Variants in ROBO1 observed in about 807,000 individuals in gnomAD.
The protein encoded by ROBO1 is roundabout guidance receptor 1, also known as roundabout homolog 1.
ROBO1 carries 149 observed loss-of-function variants against 195.9 expected under a neutral mutation model. The observed-to-expected ratio is 0.76, with a 90% CI of 0.67 to 0.87. The LOEUF is 0.87. Ranked by LOEUF, ROBO1 falls within the 40% of genes least tolerant of loss-of-function variation. The pLI is 0.00. For missense variants in ROBO1, 1,933 were observed against 2,068.3 expected, an observed-to-expected ratio of 0.93 and a Z score of 1.27; for synonymous variants, 816 against 733.2, an observed-to-expected ratio of 1.11 and a Z score of -1.82.
intron 4 of ROBO1, among the ~76,000 whole-genome samples, chr3:78,892,247 G>T (rs1013014866): frequency 6.6e-6 from 1 of 152,140 alleles, no homozygotes; most frequent in Non-Finnish European, 1.5e-5. Flanking sequence ...AAACCCTATT[G>T]TGAAGTGCAC....
At chr3:79,754,932 G>C (rs1042620464) in intron 1 of ROBO1, among the ~76,000 whole-genome samples, 1 of 152,172 alleles carries the variant, frequency 6.6e-6, no homozygotes, top group Non-Finnish European at 1.5e-5. Flanking sequence ...GCAGGCTGGA[G>C]TGCAATGGTG....
intron 2 of ROBO1, among the ~76,000 whole-genome samples, chr3:79,536,908 A>G (rs181675301): frequency 2.0e-5 from 3 of 152,252 alleles, no homozygotes; most frequent in East Asian, 1.9e-4. Flanking sequence ...AAAGAAGACT[A>G]TTTCTAATTT....
chr3:78,648,620 G>C (rs960544187), intron 19 of ROBO1, among the ~76,000 whole-genome samples: 1 of 151,566 alleles, frequency 6.6e-6, no homozygotes, highest in African/African-American at 2.4e-5. Context: ...ATTTCATAGA[G>C]GGAGGAGATT....
intron 2 of ROBO1, among the ~76,000 whole-genome samples, chr3:79,221,129 C>A (rs1339002993): frequency 6.6e-6 from 1 of 152,010 alleles, no homozygotes; most frequent in African/African-American, 2.4e-5. Flanking sequence ...AAAAGACACC[C>A]AATCATAGGC....
chr3:78,823,646 T>G (rs142068096), intron 4 of ROBO1, among the ~76,000 whole-genome samples: 1 of 152,176 alleles, frequency 6.6e-6, no homozygotes, highest in Non-Finnish European at 1.5e-5. Flanking sequence ...CACTTTTACC[T>G]CGTGGTCTTT....
At chr3:79,536,378 C>T (rs1028670376) in intron 2 of ROBO1, among the ~76,000 whole-genome samples, 7 of 152,202 alleles carry the variant, frequency 4.6e-5, no homozygotes, top group African/African-American at 1.7e-4. Context: ...GCACTGTCGC[C>T]TTATGAAATG....
chr3:79,504,146 C>T (rs1940267469), intron 2 of ROBO1, among the ~76,000 whole-genome samples: 1 of 152,018 alleles, frequency 6.6e-6, no homozygotes, highest in African/African-American at 2.4e-5. Flanking sequence ...AGATGTAATA[C>T]TATATGTAGC....
intron 2 of ROBO1, among the ~76,000 whole-genome samples, chr3:79,520,563 T>C (rs1237693649): frequency 6.6e-6 from 1 of 152,178 alleles, no homozygotes; most frequent in African/African-American, 2.4e-5. Context: ...TATTTCCATA[T>C]GGGGAAAATT....
intron 2 of ROBO1, among the ~76,000 whole-genome samples, chr3:79,566,056 C>T (rs1943079529): frequency 6.6e-6 from 1 of 152,040 alleles, no homozygotes; most frequent in Non-Finnish European, 1.5e-5. Context: ...GAAGAAAGAA[C>T]TCTTGAGTCT....
At chr3:78,715,411 T>A (rs1409403517) in intron 7 of ROBO1, among the ~76,000 whole-genome samples, 2 of 152,210 alleles carry the variant, frequency 1.3e-5, no homozygotes, top group African/African-American at 4.8e-5. Flanking sequence ...CCTGTCTCTA[T>A]CTCACCTCTC....
intron 1 of ROBO1, among the ~76,000 whole-genome samples, chr3:79,721,373 T>TA (rs1017603861): frequency 4.6e-5 from 7 of 151,896 alleles, no homozygotes; most frequent in African/African-American, 1.4e-4. Context: ...ATAAAAAAAC[T>TA]AAAAAAAAGT....
chr3:79,730,863 C>T (rs536222031), intron 1 of ROBO1, among the ~76,000 whole-genome samples: 4 of 148,098 alleles, frequency 2.7e-5, no homozygotes, highest in Non-Finnish European at 5.9e-5. Context: ...CTGCAAGCTC[C>T]ACCTCCTGGG....
At chr3:79,449,756 G>A (rs777323824) in intron 2 of ROBO1, among the ~76,000 whole-genome samples, 1 of 152,056 alleles carries the variant, frequency 6.6e-6, no homozygotes, top group Non-Finnish European at 1.5e-5. Context: ...ATAAGCTATG[G>A]TTTTAAAAAA....
intron 4 of ROBO1, among the ~76,000 whole-genome samples, chr3:78,830,412 G>A (rs918880008): frequency 6.6e-6 from 1 of 152,128 alleles, no homozygotes; most frequent in African/African-American, 2.4e-5. Flanking sequence ...CTGCTAATAG[G>A]GACAAACCCA....
At chr3:78,938,429 T>G in intron 4 of ROBO1, 172 bp downstream of exon 4, 1 of 574,178 alleles carries the variant, frequency 1.7e-6, no homozygotes, top group South Asian at 2.5e-5. Flanking sequence ...GAATAACAAG[T>G]TAGGATGAGA....
intron 10 of ROBO1, among the ~76,000 whole-genome samples, chr3:78,673,591 T>TAC (rs1708218767): frequency 1.1e-5 from 1 of 89,814 alleles, no homozygotes; most frequent in Non-Finnish European, 2.3e-5. Flanking sequence ...TATATATATA[T>TAC]ATATATATAT....
chr3:78,627,306 CT>C lies in ROBO1; in HGVS notation c.3875+14del. On this transcript the variant is annotated intron_variant, in intron 26 of 30. Transcript: ENST00000464233. ...TTATCTGATTTGTTAGCAAAGAAGG[CT>C]AGTGACAACATACCTCCTGTCGGGC... 6.2e-7 allele frequency: 1 copy of C among 1,606,986 alleles called. No individual in the cohort carries two copies. Among genetic ancestry groups the C allele is most frequent in the South Asian group, 1.1e-5 (1 of 90,048 alleles).
intron 3 of ROBO1, among the ~76,000 whole-genome samples, chr3:79,067,487 C>T (rs970145889): frequency 6.6e-6 from 1 of 151,914 alleles, no homozygotes; most frequent in Non-Finnish European, 1.5e-5. Context: ...AAGTAAGATT[C>T]TGAGTCTGTC....
chr3:79,359,363 A>G (rs1428495023), intron 2 of ROBO1, among the ~76,000 whole-genome samples: 2 of 152,088 alleles, frequency 1.3e-5, no homozygotes, highest in Non-Finnish European at 2.9e-5. Context: ...ATTCTGGACA[A>G]TAAACATTAT....
Sources: allele counts gnomAD v4.1 joint callset (sites outside exome capture counted in the v4.1 genomes callset), GRCh38; gene constraint gnomAD v4.1.1; transcripts MANE v1.5; gene names NCBI Gene and HGNC (gene_info 2026-07-23, HGNC 2026-07-21).